The following ADAM22 variants were observed in gnomAD, a reference collection of about 807,000 sequenced individuals.
The protein encoded by ADAM22 is disintegrin and metalloproteinase domain-containing protein 22.
ADAM22 carries 65 observed loss-of-function variants against 144.6 expected under a neutral mutation model. That is an observed-to-expected ratio of 0.45 (90% CI 0.37 to 0.55). The LOEUF (loss-of-function observed/expected upper bound fraction) is 0.55. Ranked by LOEUF, ADAM22 falls within the 20% of genes least tolerant of loss-of-function variation. The pLI, the probability that ADAM22 is intolerant of heterozygous loss-of-function variation, is 0.00. For missense variants in ADAM22, 974 were observed against 1,184.9 expected (o/e 0.82, Z 2.61); for synonymous variants, 391 against 412.6 (o/e 0.95, Z 0.63).
In ADAM22 at chr7:87,967,762, C is replaced by T. The variant is rs368274767; in HGVS notation, c.247-10574C>T. Among the ~76,000 whole-genome samples, 84 of 139,166 alleles carry T rather than the reference C, an allele frequency of 6.0e-4. 1 individual carries two copies. Among genetic ancestry groups the T allele is most frequent in the Middle Eastern group, 4.1e-3 (1 of 244 alleles). 91.3% of individuals were successfully genotyped at this position (139,166 alleles called of 152,430 possible). Reference sequence around the variant, plus strand: ...GGCAGAGGTTGCAGTGAGCTAAGATCGCACCACTGCACTCCAGCCTGAGCG... The same window carrying T: ...GGCAGAGGTTGCAGTGAGCTAAGATTGCACCACTGCACTCCAGCCTGAGCG... On this transcript the variant is annotated intron_variant, in intron 2 of 31. Coordinates refer to ENST00000413139, the MANE Select transcript of ADAM22 (RefSeq NM_001324418.2).
At chr7:88,150,064 C>A (rs111736976) in intron 18 of ADAM22, among the ~76,000 whole-genome samples, 6 of 152,254 alleles carry the variant, frequency 3.9e-5, no homozygotes, top group African/African-American at 1.4e-4. Flanking sequence ...TGGCGTTACC[C>A]CCTCTGGGAC....
At chr7:87,975,090 G>T (rs1291723463) in intron 2 of ADAM22, among the ~76,000 whole-genome samples, 1 of 152,048 alleles carries the variant, frequency 6.6e-6, no homozygotes, top group Non-Finnish European at 1.5e-5. Flanking sequence ...GGATATTAGG[G>T]TGTAGGCATA....
At chr7:88,010,560 G>A (rs1002491740) in intron 3 of ADAM22, among the ~76,000 whole-genome samples, 2 of 152,124 alleles carry the variant, frequency 1.3e-5, no homozygotes, top group African/African-American at 4.8e-5. Context: ...TGCAGGCAGT[G>A]TGGGGTTCTA....
chr7:88,081,835 A>G (rs1816754383), intron 4 of ADAM22, among the ~76,000 whole-genome samples: 1 of 148,598 alleles, frequency 6.7e-6, no homozygotes, highest in South Asian at 2.3e-4. Context: ...AGGAAATAAA[A>G]GAGGATACAA....
chr7:88,163,135 T>C lies in ADAM22; in HGVS notation c.2031T>C (p.Ser677=). 6.2e-7 allele frequency: 1 copy of C among 1,612,144 alleles called. No homozygotes were observed. Among genetic ancestry groups the C allele is most frequent in the Non-Finnish European group, 8.5e-7 (1 of 1,179,004 alleles). ...RCLPVASFNF[S]TCLSSKEGTI... The stretch of plus-strand genomic sequence containing the variant: ...TTCCTGTGGCTTCTTTCAACTTTAG[T>C]ACTTGCTTGAGCAGTAAAGAAGGCA... Residue 677 remains serine (S), a synonymous_variant, in exon 23 of 32, where the codon AGT becomes AGC. Transcript: ENST00000413139.
chr7:88,080,779 T>C (rs1461659006), intron 4 of ADAM22, among the ~76,000 whole-genome samples: 1 of 151,820 alleles, frequency 6.6e-6, no homozygotes, highest in African/African-American at 2.4e-5. Flanking sequence ...ACACATACAC[T>C]CTCCCAAGAC....
intron 3 of ADAM22, among the ~76,000 whole-genome samples, chr7:88,003,271 T>G (rs918400736): frequency 2.6e-5 from 4 of 152,190 alleles, no homozygotes; most frequent in Non-Finnish European, 5.9e-5. Flanking sequence ...TTCCAGAAAC[T>G]TTATATTCAT....
intron 2 of ADAM22, among the ~76,000 whole-genome samples, chr7:87,953,461 T>A (rs1037572295): frequency 5.9e-5 from 9 of 152,156 alleles, no homozygotes; most frequent in African/African-American, 1.7e-4. Flanking sequence ...TTTGAGTGAG[T>A]TTCTTAATCC....
chr7:87,987,105 C>A (rs899239157), intron 3 of ADAM22, among the ~76,000 whole-genome samples: 1 of 152,124 alleles, frequency 6.6e-6, no homozygotes, highest in African/African-American at 2.4e-5. Context: ...GAGATTTTTA[C>A]AGTGATTAGA....
intron 3 of ADAM22, among the ~76,000 whole-genome samples, chr7:88,008,787 C>T (rs1479001231): frequency 2.0e-5 from 3 of 151,876 alleles, no homozygotes; most frequent in Non-Finnish European, 1.5e-5. Context: ...AGGAGATATA[C>T]CTAATGCTAA....
rs547491981 is a variant in ADAM22 at position 88,126,017 on chromosome 7, G to C, written c.678+358G>C. Reference sequence around the variant, plus strand: ...TTTATATCCTTGTATTTATTCCCTGGAAGATAACCCCTTAGGAATGAATCA... The same window carrying C: ...TTTATATCCTTGTATTTATTCCCTGCAAGATAACCCCTTAGGAATGAATCA... On this transcript the variant is annotated intron_variant, in intron 8 of 31. Coordinates refer to ENST00000413139, the MANE Select transcript of ADAM22 (RefSeq NM_001324418.2). Among the ~76,000 whole-genome samples the C allele has an allele frequency of 2.0e-5, 3 of 152,010 alleles. No homozygotes were observed. In the East Asian group the frequency reaches 5.8e-4, roughly 29 times the overall value.
chr7:88,113,713 T>TATATATAG (rs1826878972), intron 5 of ADAM22, among the ~76,000 whole-genome samples: 1 of 108,368 alleles, frequency 9.2e-6, no homozygotes, highest in Non-Finnish European at 1.8e-5. Context: ...AATATATATA[T>TATATATAG]ATATATATAT....
At position 88,032,378 on chromosome 7, in the gene ADAM22, G is replaced by A. The variant is rs190095571; in HGVS notation, c.324-43248G>A. 1.4e-4 allele frequency among the ~76,000 whole-genome samples: 21 copies of A among 152,332 alleles called. No homozygotes were observed. In the East Asian group the frequency reaches 3.7e-3, roughly 27 times the overall value. On this transcript the variant is annotated intron_variant, in intron 3 of 31. Transcript: ENST00000413139. Reference sequence around the variant, plus strand: ...GATTGCCCTGCTGGGTTTTGGACTTGCGTGGGGCTTGTAGCCCCTTGGTTT... The same window carrying A: ...GATTGCCCTGCTGGGTTTTGGACTTACGTGGGGCTTGTAGCCCCTTGGTTT...
intron 14 of ADAM22, among the ~76,000 whole-genome samples, chr7:88,141,700 T>C (rs1321593000): frequency 6.6e-6 from 1 of 152,188 alleles, no homozygotes; most frequent in African/African-American, 2.4e-5. Flanking sequence ...CTGAGTCTGT[T>C]CTTCAATACT....
intron 3 of ADAM22, among the ~76,000 whole-genome samples, chr7:88,003,566 G>A (rs1793085131): frequency 6.6e-6 from 1 of 152,140 alleles, no homozygotes; most frequent in South Asian, 2.1e-4. Context: ...TTACATGTCA[G>A]AATTAAGAAA....
intron 5 of ADAM22, among the ~76,000 whole-genome samples, 145 bp from the exon 6 acceptor site, chr7:88,114,430 AGTGGTGTGT>A (rs1261249046): frequency 6.6e-6 from 1 of 152,096 alleles, no homozygotes; most frequent in Non-Finnish European, 1.5e-5. Context: ...CTTCCCTCTC[AGTGGTGTGT>A]GTGGTGTGTC....
chr7:88,119,456 A>C (rs1828672221), intron 7 of ADAM22, among the ~76,000 whole-genome samples: 1 of 152,160 alleles, frequency 6.6e-6, no homozygotes, highest in Admixed American at 6.5e-5. Context: ...CATTCTTTTA[A>C]ATTATTGAAT....
intron 3 of ADAM22, among the ~76,000 whole-genome samples, chr7:88,009,765 C>T (rs192635268): frequency 1.3e-5 from 2 of 152,196 alleles, no homozygotes; most frequent in East Asian, 3.9e-4. Context: ...TCCCTACTAC[C>T]CTATCCTTCA....
At chr7:88,017,804 T>C (rs1460663153) in intron 3 of ADAM22, among the ~76,000 whole-genome samples, 3 of 151,886 alleles carry the variant, frequency 2.0e-5, no homozygotes, top group Non-Finnish European at 2.9e-5. Flanking sequence ...TATGTGTGTG[T>C]ATATATATGT....
Sources: gnomAD v4.1 joint callset for allele counts (sites outside exome capture counted in the v4.1 genomes callset) on GRCh38, gnomAD v4.1.1 for gene constraint, MANE v1.5 for transcripts, NCBI Gene and HGNC (gene_info 2026-07-23, HGNC 2026-07-21) for gene names.